Variants in SH2B1 observed in about 807,000 individuals in gnomAD.
SH2B1 encodes the protein SH2B adaptor protein 1.
SH2B1 carries 15 observed loss-of-function variants against 62.6 expected under a neutral mutation model. That is an observed-to-expected ratio of 0.24 (90% CI 0.16 to 0.37). The LOEUF is 0.37. SH2B1 is among the 10% of genes least tolerant of loss of function. SH2B1 has a pLI of 1.00. For missense variants in SH2B1, 925 were observed against 1,015.6 expected (o/e 0.91, Z 1.21); for synonymous variants, 443 against 438.0 (o/e 1.01, Z -0.14).
chr16:28,867,108 G>T, intron 1 of SH2B1, 75 bp downstream of exon 1: 1 of 1,581,446 alleles, frequency 6.3e-7, no homozygotes, highest in Non-Finnish European at 8.6e-7. Flanking sequence ...CTGCAGATAA[G>T]CTCTGGGGTT....
Position 28,863,870 on chromosome 16 carries a change from TGGGTGG to T in SH2B1, c.-2221_-2216del. ...ACCGGGCTGGGCGCTCGTCGCGTAG[TGGGTGG>T]GGGCGCAGGGAGCGGGAGCCGCCGC... On this transcript the variant is annotated 5_prime_UTR_variant, in exon 1 of 8. Transcript: ENST00000684370. 1 of 1,518,318 alleles carries T rather than the reference TGGGTGG, an allele frequency of 6.6e-7. No homozygotes were observed. The highest frequency in any genetic ancestry group is 8.8e-7 in the Non-Finnish European group (1 of 1,139,096). The allele number at this position is 1,518,318 out of a possible 1,614,324, so 94.1% of individuals were successfully genotyped here.
At chr16:28,860,303 A>G (rs1238588999), upstream of SH2B1, among the ~76,000 whole-genome samples, 2 of 148,804 alleles carry the variant, frequency 1.3e-5, no homozygotes, top group African/African-American at 5.0e-5. Flanking sequence ...CCAGGCTGGA[A>G]TGCAGTGGCA....
chr16:28,853,013 T>A (rs1193207154), intron 1 of SH2B1, among the ~76,000 whole-genome samples: 998 of 71,782 alleles, frequency 0.014, 188 homozygotes, highest in African/African-American at 0.083. Flanking sequence ...TACATATATA[T>A]TTATATATGT....
Position 28,869,227 on chromosome 16 carries a change from C to T in SH2B1, c.1153C>T (p.Pro385Ser), listed in dbSNP as rs868399722. Residue 385 changes from proline to serine, a missense_variant, in exon 4 of 8, where the codon CCC (proline) becomes TCC (serine). Pro to Ser is a moderately conservative substitution (Grantham distance 74, BLOSUM62 -1). Around this residue, in one of 3 missense-constraint regions of SH2B1, gnomAD observed 683 missense variants for 704.0 expected, o/e 0.97. Coordinates refer to ENST00000684370, the MANE Select transcript of SH2B1 (RefSeq NM_001387430.1). ...LSPGPCPATS[P>S]RPMTLPLAPG... is the part of the protein sequence containing the mutation. ...CTGCAGACCCTGCCCTGCTACCAGT[C>T]CCCGCCCCATGACCCTCCCTCTGGC... is the stretch of plus-strand genomic sequence containing the variant. 5.6e-6 allele frequency: 9 copies of T among 1,614,002 alleles called. No homozygotes were observed. The South Asian group carries it at 7.7e-5, about 14-fold the overall frequency.
intron 1 of SH2B1, 81 bp from the exon 2 acceptor site, chr16:28,867,250 G>A (rs1384972897): frequency 7.7e-7 from 1 of 1,295,296 alleles, no homozygotes; most frequent in African/African-American, 1.5e-5. Context: ...GGATGTAGAA[G>A]GAAAGATGAA....
At chr16:28,851,335 C>A (rs1052124387) in intron 1 of SH2B1, among the ~76,000 whole-genome samples, 6 of 152,036 alleles carry the variant, frequency 3.9e-5, no homozygotes, top group Non-Finnish European at 7.4e-5. Context: ...CCCAGTGTGA[C>A]CCCACGTTTT....
intron 4 of SH2B1, 119 bp from the exon 5 acceptor site, chr16:28,871,661 G>A: frequency 1.3e-6 from 1 of 780,492 alleles, no homozygotes; most frequent in Non-Finnish European, 2.2e-6. Context: ...CCACAGAGCT[G>A]TTTGGCATCT....
rs1963090474 is a variant in SH2B1, at chr16:28,872,320, C to T, written c.1644C>T (p.Ser548=). The T allele has an allele frequency of 1.9e-6, 3 of 1,613,796 alleles. No homozygotes were observed. The African/African-American group carries it at 4.0e-5, about 22-fold the overall frequency. ...AQLVLTGGTG[S]HGVFLVRQSE... ...TGGTGCTGACTGGCGGCACTGGCTC[C>T]CACGGTGTCTTCCTGGTGCGCCAGA... is the stretch of plus-strand genomic sequence containing the variant. Residue 548 remains serine, a synonymous_variant, in exon 6 of 8, where the codon TCC becomes TCT. Coordinates refer to ENST00000684370, the MANE Select transcript of SH2B1 (RefSeq NM_001387430.1). The surrounding 1 kb of genome is among the most constrained non-coding windows in gnomAD (Gnocchi z 5.3).
chr16:28,872,897 A>C lies in SH2B1; in HGVS notation c.1897+192A>C, dbSNP rs922898141. 3.3e-5 allele frequency: 26 copies of C among 791,252 alleles called. No homozygotes were observed. Among genetic ancestry groups the C allele is most frequent in the Non-Finnish European group, 4.1e-6 (2 of 492,758 alleles). 49.0% of individuals were successfully genotyped at this position (791,252 alleles called of 1,614,324 possible). A position where few individuals can be genotyped will look rare whatever the true frequency, so the allele number is the denominator to read the frequency against. On this transcript the variant is annotated intron_variant, in intron 7 of 7. Transcript: ENST00000684370. The surrounding 1 kb of genome is among the most constrained non-coding windows in gnomAD (Gnocchi z 5.3). ...ATGCGCTGATAGGACACAGGAAGGC[A>C]GAAGGCTCCTGGCCGGAGCCGGGGC...
chr16:28,851,715 A>G (rs374585097), intron 1 of SH2B1, among the ~76,000 whole-genome samples: 6 of 150,070 alleles, frequency 4.0e-5, no homozygotes, highest in Non-Finnish European at 7.4e-5. Context: ...CACCCGCCTC[A>G]GCCTCCCAAA....
intron 4 of SH2B1, among the ~76,000 whole-genome samples, chr16:28,870,478 G>A (rs1475070740): frequency 6.6e-6 from 1 of 152,122 alleles, no homozygotes; most frequent in East Asian, 1.9e-4. Flanking sequence ...CAGGATATGG[G>A]GACAAATTGG....
rs567510543 is a variant in SH2B1, at chr16:28,865,623, A to T, written c.-472A>T. The stretch of plus-strand genomic sequence containing the variant: ...GAGGTCTTTGAAACCTCTCAGGGAA[A>T]GGTAAGATAACCAAGTGGGAGCCTC... On this transcript the variant is annotated 5_prime_UTR_variant, in exon 1 of 8. The change creates a new upstream start codon in the 5' untranslated region. Coordinates refer to ENST00000684370, the MANE Select transcript of SH2B1 (RefSeq NM_001387430.1). 1.0e-6 allele frequency: 1 copy of T among 987,952 alleles called. No homozygotes were observed. The highest frequency in any genetic ancestry group is 1.2e-6 in the Non-Finnish European group (1 of 831,806). The allele number at this position is 987,952 out of a possible 1,614,324, so 61.2% of individuals were successfully genotyped here.
chr16:28,860,625 A>G (rs1005100110), upstream of SH2B1, among the ~76,000 whole-genome samples: 2 of 152,154 alleles, frequency 1.3e-5, no homozygotes, highest in East Asian at 1.9e-4. Flanking sequence ...CAAGTCACGC[A>G]GCAGTCTCTT....
chr16:28,867,690 T>C (rs894740850), intron 2 of SH2B1, among the ~76,000 whole-genome samples: 1 of 152,198 alleles, frequency 6.6e-6, no homozygotes, highest in African/African-American at 2.4e-5. Context: ...GGTCTCCCTC[T>C]AAGTCAGGAG....
chr16:28,873,277 T>C lies in SH2B1; in HGVS notation c.1898-170T>C, dbSNP rs1031565002. 11 of 1,605,250 alleles carry C rather than the reference T, an allele frequency of 6.9e-6. No individual in the cohort carries two copies. The Admixed American group carries it at 1.4e-4, about 20-fold the overall frequency. ...CGGAGCGAGTGACTGTGTGTAAGTG[T>C]GGTCCTCCTCTCACCACCGCCCATG... On this transcript the variant is annotated intron_variant, in intron 7 of 7. Coordinates refer to ENST00000684370, the MANE Select transcript of SH2B1 (RefSeq NM_001387430.1). The surrounding 1 kb of genome is among the most constrained non-coding windows in gnomAD (Gnocchi z 4.2).
chr16:28,867,004 A>G lies in SH2B1; in HGVS notation c.910A>G (p.Ser304Gly). 1 of 1,600,824 alleles carries G rather than the reference A, an allele frequency of 6.2e-7. No homozygotes were observed. The highest frequency in any genetic ancestry group is 8.5e-7 in the Non-Finnish European group (1 of 1,179,848). Residue 304 changes from serine to glycine, a missense_variant, in exon 1 of 8, where the codon AGT (serine) becomes GGT (glycine). Transcript: ENST00000684370. ...LRSEGEGGGGSRLEFFVPPKA... is the reference protein window; with the variant it reads ...LRSEGEGGGGGRLEFFVPPKA... ...AAGTGAAGGAGAAGGAGGAGGAGGA[A>G]GTCGCCTGGAGTTCTTTGTACCACC... is the stretch of plus-strand genomic sequence containing the variant.
chr16:28,852,838 A>G (rs371451816), intron 1 of SH2B1, among the ~76,000 whole-genome samples: 15 of 46,946 alleles, frequency 3.2e-4, no homozygotes, highest in East Asian at 3.8e-4. Context: ...TTATATATAT[A>G]TACATATATA....
intron 1 of SH2B1, among the ~76,000 whole-genome samples, chr16:28,849,516 T>C (rs1174578699): frequency 6.6e-6 from 1 of 152,134 alleles, no homozygotes; most frequent in African/African-American, 2.4e-5. Context: ...GAATTAATGG[T>C]TTATATTTTT....
At chr16:28,846,655 AGGCG>A, upstream of SH2B1, 1 of 234,642 alleles carries the variant, frequency 4.3e-6, no homozygotes, top group Admixed American at 5.2e-5. Context: ...AGTGGGAGTC[AGGCG>A]GGCTAGGCCG....
Sources: gnomAD v4.1 joint callset for allele counts (sites outside exome capture counted in the v4.1 genomes callset) on GRCh38, gnomAD v4.1.1 for gene constraint, gnomAD v4.1.1 regional missense constraint, Gnocchi (gnomAD v3.1) non-coding constraint, MANE v1.5 for transcripts, NCBI Gene and HGNC (gene_info 2026-07-23, HGNC 2026-07-21) for gene names.